C2orf49: variants seen among roughly 807,000 people sequenced by gnomAD.
The protein encoded by C2orf49 is tRNA-splicing ligase complex subunit ASW.
In C2orf49, 11 loss-of-function variants were observed where a neutral mutation model predicts 20.6. The ratio of observed to expected loss-of-function variants is 0.53; its 90% CI spans 0.34 to 0.88. The LOEUF is 0.88. C2orf49 is among the 40% of genes least tolerant of loss of function. The pLI is 0.02. For missense variants in C2orf49, 289 were observed against 274.2 expected (o/e 1.05, Z -0.38); for synonymous variants, 134 against 108.5 (o/e 1.24, Z -1.46).
At chr2:105,355,483 T>G in the C2orf49 span, among the ~76,000 whole-genome samples, 1 of 152,134 alleles carries the variant, frequency 6.6e-6, no homozygotes, top group Non-Finnish European at 1.5e-5. Flanking sequence ...AGAGTTATCC[T>G]TGCATACAAG....
In C2orf49 at chr2:105,347,829, A is replaced by G. The variant is rs1340389318; in HGVS notation, c.*2458A>G. The G allele has an allele frequency of 1.3e-5, 2 of 152,218 alleles. No homozygotes were observed. Among genetic ancestry groups the G allele is most frequent in the African/African-American group, 4.8e-5 (2 of 41,452 alleles). 9.4% of individuals were successfully genotyped at this position (152,218 alleles called of 1,614,324 possible). A position where few individuals can be genotyped will look rare whatever the true frequency, so the allele number is the denominator to read the frequency against. ...TATGTATGGCAAACAACTTTAGAAT[A>G]CTAGTTACTCACTAACATGAGGCGG... On this transcript the variant is annotated 3_prime_UTR_variant, in exon 4 of 4. Coordinates refer to ENST00000258457, the MANE Select transcript of C2orf49 (RefSeq NM_024093.3).
the C2orf49 span, among the ~76,000 whole-genome samples, chr2:105,382,743 G>C: frequency 1.3e-5 from 2 of 151,962 alleles, no homozygotes; most frequent in Admixed American, 6.6e-5. Context: ...TGGGTATGGT[G>C]GCCAGTCCAA....
chr2:105,373,653 G>C, the C2orf49 span: 2 of 1,614,228 alleles, frequency 1.2e-6, no homozygotes, highest in African/African-American at 2.7e-5. Flanking sequence ...TGGCAGCAAA[G>C]GGCTTGTCCA....
chr2:105,367,829 A>C, the C2orf49 span: 1 of 1,364,992 alleles, frequency 7.3e-7, no homozygotes, highest in Non-Finnish European at 1.0e-6. Context: ...GCTGCCCTCT[A>C]GTTTTATGAC....
the C2orf49 span, among the ~76,000 whole-genome samples, chr2:105,364,470 G>A: frequency 5.3e-5 from 8 of 152,202 alleles, no homozygotes; most frequent in African/African-American, 1.2e-4. Context: ...CTGTCTTGTG[G>A]TCTTAGAACA....
downstream of C2orf49, among the ~76,000 whole-genome samples, chr2:105,350,660 A>G (rs1219848185): frequency 6.6e-6 from 1 of 152,218 alleles, no homozygotes; most frequent in African/African-American, 2.4e-5. Flanking sequence ...TGAAAGACAA[A>G]TGCTTTTCAT....
chr2:105,348,932 C>T lies in C2orf49; in HGVS notation c.*3561C>T, dbSNP rs917503198. The T allele has an allele frequency of 6.6e-6, 1 of 152,150 alleles. No homozygotes were observed. The highest frequency in any genetic ancestry group is 1.9e-4 in the East Asian group (1 of 5,170). The allele number at this position is 152,150 out of a possible 1,614,324, so 9.4% of individuals were successfully genotyped here. On this transcript the variant is annotated 3_prime_UTR_variant, in exon 4 of 4. Transcript: ENST00000258457. ...CGAGTAGTCCAGCCATATCTTGTAGCCCTTCTTTGAATGAGAGGGTGGCTG... is the reference window on the plus strand; with the variant it reads ...CGAGTAGTCCAGCCATATCTTGTAGTCCTTCTTTGAATGAGAGGGTGGCTG...
At chr2:105,359,730 T>C in the C2orf49 span, 1 of 152,232 alleles carries the variant, frequency 6.6e-6, no homozygotes, top group African/African-American at 2.4e-5. Flanking sequence ...TCTCCTGCTT[T>C]ACTGCCCTTT....
At chr2:105,351,786 T>G (rs191567412), downstream of C2orf49, among the ~76,000 whole-genome samples, 144 of 152,346 alleles carry the variant, frequency 9.5e-4, no homozygotes, top group African/African-American at 3.3e-3. Context: ...ATCTGGGTAC[T>G]AAGTATGCTG....
the C2orf49 span, chr2:105,361,406 A>G: frequency 4.3e-6 from 7 of 1,614,172 alleles, no homozygotes; most frequent in Non-Finnish European, 5.9e-6. Flanking sequence ...GCCGTTCCTC[A>G]AAGGAGATGT....
chr2:105,352,636 G>T (rs1679965648), downstream of C2orf49, among the ~76,000 whole-genome samples: 1 of 151,664 alleles, frequency 6.6e-6, no homozygotes, highest in African/African-American at 2.4e-5. Context: ...AGTAGAGACG[G>T]GGTTTCACCA....
Position 105,343,218 on chromosome 2 carries a change from G to T in C2orf49, c.637G>T (p.Ala213Ser), listed in dbSNP as rs1679720837. Residue 213 changes from alanine to serine, a missense_variant, in exon 3 of 4, where the codon GCC becomes TCC. Coordinates refer to ENST00000258457, the MANE Select transcript of C2orf49 (RefSeq NM_024093.3). ...AGCTGCTCCTAAAGAAGAGGCAGAG[G>T]CCATGGTAAGTATGGGGGTGGTTTC... ...KRAAPKEEAE[A>S]MNNLKPPQAK... 2 of 1,585,886 alleles carry T rather than the reference G, an allele frequency of 1.3e-6. No homozygotes were observed. Among genetic ancestry groups the T allele is most frequent in the South Asian group, 1.1e-5 (1 of 87,238 alleles).
the C2orf49 span, among the ~76,000 whole-genome samples, chr2:105,365,326 G>A: frequency 1.3e-5 from 2 of 152,218 alleles, no homozygotes; most frequent in African/African-American, 4.8e-5. Context: ...GATCCCCAGT[G>A]CCTGAGAGGG....
Position 105,342,840 on chromosome 2 carries a change from G to T in C2orf49, c.267-8G>T. ...GTATTTTTCAAGAGTGCATCTCTTT[G>T]ATTTCAGGAGTAGCACTGTAGATGG... is the stretch of plus-strand genomic sequence containing the variant. On this transcript the variant is annotated splice_region_variant and splice_polypyrimidine_tract_variant and intron_variant, in intron 2 of 3. Transcript: ENST00000258457. The T allele has an allele frequency of 1.9e-6, 3 of 1,596,956 alleles. No homozygotes were observed. The highest frequency in any genetic ancestry group is 2.2e-5 in the South Asian group (2 of 89,858).
the C2orf49 span, among the ~76,000 whole-genome samples, chr2:105,356,230 G>T: frequency 2.0e-5 from 3 of 152,064 alleles, no homozygotes; most frequent in African/African-American, 4.8e-5. Flanking sequence ...GTCTCTACTA[G>T]AAATACAAAA....
chr2:105,373,857 G>A, the C2orf49 span: 7 of 822,382 alleles, frequency 8.5e-6, no homozygotes, highest in East Asian at 2.7e-5. Flanking sequence ...GCACCCTGGC[G>A]CACCCACATT....
In C2orf49 at chr2:105,337,644, G is replaced by T. The variant is rs772449289; in HGVS notation, c.57G>T (p.Pro19=). 1 of 1,609,580 alleles carries T rather than the reference G, an allele frequency of 6.2e-7. No homozygotes were observed. The highest frequency in any genetic ancestry group is 1.3e-5 in the African/African-American group (1 of 74,372). The change falls in exon 1 of 4, where the codon CCG becomes CCT. Residue 19 remains proline, a synonymous_variant. Transcript: ENST00000258457. ...CGGACTCGGAACTGCTGCTGCACCC[G>T]GAGCTGCTGTCCCAGGAGTTCCTTC... is the stretch of plus-strand genomic sequence containing the variant. ...SCTDSELLLH[P]ELLSQEFLLL... is the part of the protein sequence containing the mutation.
At chr2:105,367,361 A>T in the C2orf49 span, among the ~76,000 whole-genome samples, 1 of 152,382 alleles carries the variant, frequency 6.6e-6, no homozygotes, top group East Asian at 1.9e-4. Flanking sequence ...CGATTTGATC[A>T]CAGAGCTCAA....
the C2orf49 span, among the ~76,000 whole-genome samples, chr2:105,370,006 A>T: frequency 6.6e-6 from 1 of 152,202 alleles, no homozygotes; most frequent in Admixed American, 6.5e-5. Context: ...TCCTAACTGA[A>T]TCGCACACTC....
Sources: gnomAD v4.1 joint callset for allele counts (sites outside exome capture counted in the v4.1 genomes callset) on GRCh38, gnomAD v4.1.1 for gene constraint, MANE v1.5 for transcripts, NCBI Gene and HGNC (gene_info 2026-07-23, HGNC 2026-07-21) for gene names.